The following NUDT2 variants were observed in gnomAD, a reference collection of about 807,000 sequenced individuals.
NUDT2 encodes bis(5'-nucleosyl)-tetraphosphatase [asymmetrical].
A neutral mutation model predicts 14.2 loss-of-function variants in NUDT2; 12 were observed. The ratio of observed to expected loss-of-function variants is 0.84; its 90% CI spans 0.54 to 1.37. The LOEUF (loss-of-function observed/expected upper bound fraction) is 1.37, where lower values mean the gene tolerates loss of function less well. Ranked by LOEUF, NUDT2 falls within the 40% of genes most tolerant of loss-of-function variation. The pLI, the probability that NUDT2 is intolerant of heterozygous loss-of-function variation, is 0.00. For synonymous variants in NUDT2, 67 were observed against 67.4 expected, an observed-to-expected ratio of 0.99 and a Z score of 0.03; for missense variants, 167 against 176.7, an observed-to-expected ratio of 0.95 and a Z score of 0.31.
At position 34,332,058 on chromosome 9, in the gene NUDT2, C is replaced by T. The variant is rs577430786; in HGVS notation, c.-265+2459C>T. On this transcript the variant is annotated intron_variant, in intron 1 of 4. Transcript: ENST00000379158. Reference sequence around the variant, plus strand: ...TGCAATAGACTTGTAACTGGTTAATCTCTCTGCCTCCAATCTGTCCTAATT... The same window carrying T: ...TGCAATAGACTTGTAACTGGTTAATTTCTCTGCCTCCAATCTGTCCTAATT... 2.0e-5 allele frequency among the ~76,000 whole-genome samples: 3 copies of T among 152,362 alleles called. No individual in the cohort carries two copies. In the East Asian group the frequency reaches 5.8e-4, roughly 29 times the overall value.
rs540116916 is a variant in NUDT2, at chr9:34,339,044, C to A, written c.5C>A (p.Ala2Asp). 1 of 1,613,390 alleles carries A rather than the reference C, an allele frequency of 6.2e-7. No individual in the cohort carries two copies. Among genetic ancestry groups the A allele is most frequent in the South Asian group, 1.1e-5 (1 of 91,060 alleles). M[A>D]LRACGLIIFR... ...TTAAGTCCTTAGGATAAGACCATGG[C>A]CTTGAGAGCATGTGGCTTGATCATC... The change falls in exon 4 of 5, where the codon GCC becomes GAC. Residue 2 changes from alanine to aspartate, a missense_variant. By Grantham distance (126) the Ala-to-Asp change is moderately radical. Coordinates refer to ENST00000379158, the MANE Select transcript of NUDT2 (RefSeq NM_001161.5).
At chr9:34,337,924 A>G (rs575803964) in intron 2 of NUDT2, among the ~76,000 whole-genome samples, 9 of 151,492 alleles carry the variant, frequency 5.9e-5, no homozygotes, top group Admixed American at 4.6e-4. Context: ...CACAACCGTA[A>G]CCTCCGCCTC....
chr9:34,330,836 C>T (rs536034558), intron 1 of NUDT2, among the ~76,000 whole-genome samples: 1 of 151,832 alleles, frequency 6.6e-6, no homozygotes, highest in South Asian at 2.1e-4. Context: ...TGGCGGGCGC[C>T]TGTGGTCCCA....
chr9:34,336,996 CT>C (rs145996244), intron 2 of NUDT2, among the ~76,000 whole-genome samples: 2,031 of 109,156 alleles, frequency 0.019, 23 homozygotes, highest in Non-Finnish European at 0.029. Flanking sequence ...ATATGTACAT[CT>C]TTTTTTTTTT....
At chr9:34,331,680 T>C (rs2131851315) in intron 1 of NUDT2, among the ~76,000 whole-genome samples, 1 of 152,286 alleles carries the variant, frequency 6.6e-6, no homozygotes, top group South Asian at 2.1e-4. Context: ...AAAAAATTGT[T>C]TTAATAAAAA....
intron 4 of NUDT2, among the ~76,000 whole-genome samples, chr9:34,341,578 T>C (rs556286443): frequency 5.4e-4 from 82 of 152,340 alleles, no homozygotes; most frequent in African/African-American, 1.9e-3. Flanking sequence ...GGCACAATCT[T>C]GGCTCGCTGC....
At chr9:34,336,845 C>T (rs542247805) in intron 2 of NUDT2, among the ~76,000 whole-genome samples, 109 of 151,924 alleles carry the variant, frequency 7.2e-4, no homozygotes, top group Middle Eastern at 3.4e-3. Context: ...AACCCAGCCT[C>T]GACCTCATTT....
At chr9:34,332,436 T>C (rs1837968567) in intron 1 of NUDT2, among the ~76,000 whole-genome samples, 3 of 152,176 alleles carry the variant, frequency 2.0e-5, no homozygotes, top group African/African-American at 7.2e-5. Flanking sequence ...TGTAAATCTC[T>C]AGGAAGTTGG....
At chr9:34,330,947 G>A (rs1490519965) in intron 1 of NUDT2, among the ~76,000 whole-genome samples, 1 of 151,588 alleles carries the variant, frequency 6.6e-6, no homozygotes, top group Non-Finnish European at 1.5e-5. Flanking sequence ...GGCGACAGAG[G>A]GAGACTCCGT....
At chr9:34,333,439 C>G (rs1298763467) in intron 1 of NUDT2, among the ~76,000 whole-genome samples, 1 of 152,010 alleles carries the variant, frequency 6.6e-6, no homozygotes, top group Admixed American at 6.6e-5. Context: ...CTAGCTTGGT[C>G]AGCATAGCAA....
intron 1 of NUDT2, among the ~76,000 whole-genome samples, chr9:34,330,194 G>A (rs1034737087): frequency 1.3e-4 from 20 of 152,196 alleles, no homozygotes; most frequent in Non-Finnish European, 2.1e-4. Flanking sequence ...ACGAGGTCAG[G>A]AGATCGAGAC....
intron 1 of NUDT2, among the ~76,000 whole-genome samples, chr9:34,330,885 C>T (rs879593899): frequency 4.6e-5 from 7 of 151,884 alleles, no homozygotes; most frequent in Admixed American, 1.3e-4. Flanking sequence ...GGCACGAACC[C>T]GGGAGGCGGA....
intron 1 of NUDT2, among the ~76,000 whole-genome samples, chr9:34,332,255 G>T (rs541846498): frequency 6.6e-6 from 1 of 152,298 alleles, no homozygotes; most frequent in South Asian, 2.1e-4. Context: ...TCCTCCCTTT[G>T]CTGGCAGTGC....
intron 1 of NUDT2, among the ~76,000 whole-genome samples, chr9:34,333,810 A>C (rs908714693): frequency 2.0e-5 from 3 of 152,148 alleles, no homozygotes; most frequent in Non-Finnish European, 4.4e-5. Flanking sequence ...TTGGAGTTAG[A>C]CTTACTTGGA....
rs369120543 is a variant in NUDT2 at position 34,343,484 on chromosome 9, G to C, written c.*44G>C. The C allele has an allele frequency of 1.9e-5, 29 of 1,490,286 alleles. No individual in the cohort carries two copies. The African/African-American group carries it at 3.8e-4, about 19-fold the overall frequency. The allele number at this position is 1,490,286 out of a possible 1,614,324, so 92.3% of individuals were successfully genotyped here. ...ATTTGCTTCAGCAGGATCCTTGTGG[G>C]CCTTCTAAGATGAAGCCACCCTCAG... On this transcript the variant is annotated 3_prime_UTR_variant, in exon 5 of 5. Transcript: ENST00000379158.
intron 1 of NUDT2, among the ~76,000 whole-genome samples, chr9:34,331,892 T>G (rs1424951421): frequency 2.0e-5 from 3 of 152,228 alleles, no homozygotes; most frequent in Non-Finnish European, 4.4e-5. Flanking sequence ...CCTTGGCTTA[T>G]GAAACATCTC....
chr9:34,331,787 A>G (rs1837945327), intron 1 of NUDT2, among the ~76,000 whole-genome samples: 2 of 152,338 alleles, frequency 1.3e-5, no homozygotes, highest in South Asian at 4.1e-4. Context: ...TCTTATGGAT[A>G]GACTATAGCA....
Position 34,343,428 on chromosome 9 carries a change from C to T in NUDT2, c.432C>T (p.Ser144=), listed in dbSNP as rs752776085. 10 of 1,596,166 alleles carry T rather than the reference C, an allele frequency of 6.3e-6. No homozygotes were observed. The highest frequency in any genetic ancestry group is 6.8e-6 in the Non-Finnish European group (8 of 1,170,126). ...AAGAAGGACACCAGTTTCTTTGCTC[C>T]ATAGAGGCCTGAGCTGACTGGAGCA... is the stretch of plus-strand genomic sequence containing the variant. ...ALQEGHQFLC[S]IEA is the part of the protein sequence containing the mutation. Residue 144 remains serine, a synonymous_variant, in exon 5 of 5, where the codon TCC becomes TCT. Transcript: ENST00000379158.
intron 4 of NUDT2, among the ~76,000 whole-genome samples, chr9:34,342,104 G>A (rs1240119908): frequency 6.6e-6 from 1 of 152,190 alleles, no homozygotes; most frequent in Non-Finnish European, 1.5e-5. Flanking sequence ...CAGTTTCTTG[G>A]CAGCTGTCTT....
Sources: gnomAD v4.1 joint callset for allele counts (sites outside exome capture counted in the v4.1 genomes callset) on GRCh38, gnomAD v4.1.1 for gene constraint, MANE v1.5 for transcripts, NCBI Gene and HGNC (gene_info 2026-07-23, HGNC 2026-07-21) for gene names.